Variants in NLRC5 observed in about 807,000 individuals in gnomAD.
NLRC5 encodes the protein protein NLRC5.
Under a neutral mutation model 206.9 loss-of-function variants are expected in NLRC5, and 114 were observed. The ratio of observed to expected loss-of-function variants is 0.55; its 90% CI spans 0.47 to 0.64. The LOEUF (loss-of-function observed/expected upper bound fraction) is 0.64, where lower values mean the gene tolerates loss of function less well. Ranked by LOEUF, NLRC5 falls within the 30% of genes least tolerant of loss-of-function variation. The probability of loss-of-function intolerance (pLI) is 0.00; values close to 1 mark genes in which losing one functional copy is unlikely to be tolerated. For synonymous variants in NLRC5, 952 were observed against 962.8 expected (o/e 0.99, Z 0.21); for missense variants, 2,008 against 2,305.5 (o/e 0.87, Z 2.64).
intron 30 of NLRC5, 89 bp downstream of exon 30, chr16:57,059,621 C>A: frequency 8.0e-7 from 1 of 1,255,496 alleles, no homozygotes; most frequent in Non-Finnish European, 1.1e-6. Context: ...CTTCCCTGGG[C>A]CCTCTCCTCC....
At position 57,036,191 on chromosome 16, in the gene NLRC5, G is replaced by C; in HGVS notation, c.2711+8G>C. 1.2e-6 allele frequency: 2 copies of C among 1,612,338 alleles called. No homozygotes were observed. The highest frequency in any genetic ancestry group is 1.7e-6 in the Non-Finnish European group (2 of 1,179,604). On this transcript the variant is annotated splice_region_variant and intron_variant, in intron 14 of 48. Coordinates refer to ENST00000688547, the MANE Select transcript of NLRC5 (RefSeq NM_001384950.1). ...CATCGCCAGGAAGCTGGAGTGAGTT[G>C]TCCACCCCACCGCTGGGTACCAGGG...
At chr16:57,011,900 G>A (rs1236717578) in intron 1 of NLRC5, among the ~76,000 whole-genome samples, 1 of 152,104 alleles carries the variant, frequency 6.6e-6, no homozygotes, top group Non-Finnish European at 1.5e-5. Context: ...CTTCATTGAG[G>A]TGTAATTTAC....
At chr16:57,013,957 C>T in intron 1 of NLRC5, 1 of 454,230 alleles carries the variant, frequency 2.2e-6, no homozygotes, top group Admixed American at 3.0e-5. Context: ...TTTCAAATGT[C>T]TGTACTAAAT....
chr16:57,028,203 G>A (rs766913465), intron 7 of NLRC5, 48 bp downstream of exon 7: 2 of 1,575,686 alleles, frequency 1.3e-6, no homozygotes, highest in South Asian at 2.2e-5. Context: ...GGGGATGCCT[G>A]GTACTCTCCT....
intron 1 of NLRC5, chr16:56,992,361 G>A (rs2057000231): frequency 6.6e-6 from 1 of 152,182 alleles, no homozygotes; most frequent in South Asian, 2.1e-4. Context: ...ATTGAACTAA[G>A]GACCAGGCAA....
rs2062705524 is a variant in NLRC5 at position 57,037,251 on chromosome 16, G to T, written c.2768G>T (p.Ser923Ile). 6.2e-7 allele frequency: 1 copy of T among 1,613,646 alleles called. No homozygotes were observed. Among genetic ancestry groups the T allele is most frequent in the African/African-American group, 1.3e-5 (1 of 74,904 alleles). ...AGVHCVLRAVSACWTLAELHI... is the reference protein window; with the variant it reads ...AGVHCVLRAVIACWTLAELHI... The stretch of plus-strand genomic sequence containing the variant: ...GTGCATTGTGTGCTGAGGGCCGTGA[G>T]TGCGTGCTGGACCCTGGCAGAGCTG... The change falls in exon 15 of 49, where the codon AGT becomes ATT. Residue 923 changes from serine to isoleucine, a missense_variant. By Grantham distance (142) the Ser-to-Ile change is moderately radical. Coordinates refer to ENST00000688547, the MANE Select transcript of NLRC5 (RefSeq NM_001384950.1).
chr16:57,078,085 G>A lies in NLRC5; in HGVS notation c.5081+65G>A, dbSNP rs1597463270. ...GAGGAGGGTCCTCGGGAGCAGTGGG[G>A]GGGTCCAGGCCCCCATCAGTTGAGC... On this transcript the variant is annotated intron_variant, in intron 43 of 48. Coordinates refer to ENST00000688547, the MANE Select transcript of NLRC5 (RefSeq NM_001384950.1). 3.7e-5 allele frequency: 51 copies of A among 1,371,718 alleles called. No individual in the cohort carries two copies. The East Asian group carries it at 1.2e-3, about 33-fold the overall frequency. 85.0% of individuals were successfully genotyped at this position (1,371,718 alleles called of 1,614,324 possible).
intron 8 of NLRC5, among the ~76,000 whole-genome samples, chr16:57,029,355 G>A (rs146493140): frequency 6.6e-6 from 1 of 152,178 alleles, no homozygotes; most frequent in Non-Finnish European, 1.5e-5. Flanking sequence ...TTGGCTCAGG[G>A]CTCTGGGTGA....
intron 39 of NLRC5, among the ~76,000 whole-genome samples, chr16:57,074,917 A>T (rs1329323857): frequency 2.7e-5 from 4 of 149,912 alleles, no homozygotes; most frequent in Non-Finnish European, 5.9e-5. Context: ...TCGTAGAACA[A>T]CCCTTGAGGC....
At chr16:57,074,727 C>T (rs756826847) in intron 39 of NLRC5, 44 bp downstream of exon 39, 3 of 1,571,316 alleles carry the variant, frequency 1.9e-6, no homozygotes, top group Admixed American at 1.7e-5. Flanking sequence ...GGAAGAAACA[C>T]TTCCCACTCA....
At chr16:57,066,299 T>C (rs2067073963) in intron 33 of NLRC5, among the ~76,000 whole-genome samples, 1 of 150,492 alleles carries the variant, frequency 6.6e-6, no homozygotes, top group Admixed American at 6.6e-5. Flanking sequence ...AGCAAGACCC[T>C]GTCTCTTTAA....
intron 23 of NLRC5, among the ~76,000 whole-genome samples, chr16:57,048,594 C>T (rs1252537002): frequency 6.6e-6 from 1 of 152,092 alleles, no homozygotes; most frequent in African/African-American, 2.4e-5. Flanking sequence ...AGTGCAATGG[C>T]GTGATCTCGG....
chr16:57,053,937 C>T (rs1400401271), intron 24 of NLRC5, among the ~76,000 whole-genome samples: 2 of 152,010 alleles, frequency 1.3e-5, no homozygotes, highest in African/African-American at 2.4e-5. Flanking sequence ...GTGAAGGGTG[C>T]TGGGGGCTGA....
intron 11 of NLRC5, among the ~76,000 whole-genome samples, chr16:57,032,282 C>G (rs1215931796): frequency 6.6e-6 from 1 of 151,792 alleles, no homozygotes; most frequent in East Asian, 1.9e-4. Flanking sequence ...CACCTGTAGT[C>G]CCAGCTACTC....
At chr16:57,051,739 C>G in intron 24 of NLRC5, 118 bp downstream of exon 24, 1 of 698,966 alleles carries the variant, frequency 1.4e-6, no homozygotes, top group South Asian at 1.7e-5. Context: ...CCCCCTCCAA[C>G]CCCCTCTACC....
intron 2 of NLRC5, among the ~76,000 whole-genome samples, chr16:57,018,622 A>G (rs1349794397): frequency 6.6e-6 from 1 of 152,170 alleles, no homozygotes; most frequent in Non-Finnish European, 1.5e-5. Flanking sequence ...CAGGACGCAT[A>G]GTACTGGCCT....
chr16:57,044,750 C>T (rs1268559148), intron 20 of NLRC5, among the ~76,000 whole-genome samples: 3 of 151,884 alleles, frequency 2.0e-5, no homozygotes, highest in African/African-American at 7.3e-5. Context: ...GAGACCCCCC[C>T]ATCTCTACAG....
intron 39 of NLRC5, chr16:57,075,996 C>G (rs1359130171): frequency 5.8e-6 from 1 of 171,712 alleles, no homozygotes; most frequent in Admixed American, 6.2e-5. Context: ...TCACTGCAAC[C>G]TCTGCCTCCT....
intron 11 of NLRC5, among the ~76,000 whole-genome samples, chr16:57,033,348 C>A (rs527756366): frequency 6.6e-6 from 1 of 152,326 alleles, no homozygotes; most frequent in South Asian, 2.1e-4. Context: ...GAGCCGACTG[C>A]AGTGATTTGC....
Sources: gnomAD v4.1 joint callset for allele counts (sites outside exome capture counted in the v4.1 genomes callset) on GRCh38, gnomAD v4.1.1 for gene constraint, MANE v1.5 for transcripts, NCBI Gene and HGNC (gene_info 2026-07-23, HGNC 2026-07-21) for gene names.